SEMA5A: variants seen among roughly 807,000 people sequenced by gnomAD.
SEMA5A encodes the protein semaphorin 5A.
A neutral mutation model predicts 135.5 loss-of-function variants in SEMA5A; 55 were observed. That is an observed-to-expected ratio of 0.41 (90% CI 0.33 to 0.51). SEMA5A has a LOEUF of 0.51. SEMA5A is among the 20% of genes least tolerant of loss of function. The pLI is 0.37. For synonymous variants in SEMA5A, 580 were observed against 546.5 expected, an observed-to-expected ratio of 1.06 and a Z score of -0.85; for missense variants, 1,290 against 1,419.9, an observed-to-expected ratio of 0.91 and a Z score of 1.47.
At chr5:9,360,275 T>C (rs1237719938) in intron 3 of SEMA5A, among the ~76,000 whole-genome samples, 3 of 152,202 alleles carry the variant, frequency 2.0e-5, no homozygotes, top group Non-Finnish European at 4.4e-5. Context: ...TTTGATTCTG[T>C]AGGTGACACT....
At chr5:9,101,510 T>C (rs1272226082) in intron 16 of SEMA5A, among the ~76,000 whole-genome samples, 1 of 152,254 alleles carries the variant, frequency 6.6e-6, no homozygotes, top group Non-Finnish European at 1.5e-5. Flanking sequence ...ATGATGGTGA[T>C]GAAGAATATT....
intron 5 of SEMA5A, among the ~76,000 whole-genome samples, chr5:9,295,465 T>C (rs907949670): frequency 2.0e-5 from 3 of 152,150 alleles, no homozygotes; most frequent in Non-Finnish European, 4.4e-5. Context: ...CACTGAATGT[T>C]TGAATCTTAG....
intron 2 of SEMA5A, among the ~76,000 whole-genome samples, chr5:9,412,155 T>C (rs1158250915): frequency 6.6e-6 from 1 of 152,006 alleles, no homozygotes; most frequent in African/African-American, 2.4e-5. Flanking sequence ...ATGCAAAGTG[T>C]TCCCCGAAAT....
At chr5:9,420,277 C>T (rs971081267) in intron 2 of SEMA5A, among the ~76,000 whole-genome samples, 10 of 151,984 alleles carry the variant, frequency 6.6e-5, no homozygotes, top group Non-Finnish European at 1.0e-4. Context: ...TATGCAACAC[C>T]CCTGGAATAA....
At position 9,122,702 on chromosome 5, in the gene SEMA5A, C is replaced by T. The variant is rs1398289601; in HGVS notation, c.1735G>A (p.Gly579Ser). The T allele has an allele frequency of 6.2e-7, 1 of 1,612,612 alleles. No homozygotes were observed. The highest frequency in any genetic ancestry group is 1.1e-5 in the South Asian group (1 of 90,878). Residue 579 changes from glycine to serine, a missense_variant, in exon 14 of 23, where the codon GGC (glycine) becomes AGC (serine). Coordinates refer to ENST00000382496, the MANE Select transcript of SEMA5A (RefSeq NM_003966.3). Reference sequence around the variant, plus strand: ...ATGCCAGGGCCCTCGCACTGCCAGCCACCACACTGCGGGGCCGGGCTGTCG... The same window carrying T: ...ATGCCAGGGCCCTCGCACTGCCAGCTACCACACTGCGGGGCCGGGCTGTCG... ...SCDSPAPQCG[G>S]WQCEGPGMEI...
At chr5:9,428,515 A>G (rs1361683582) in intron 2 of SEMA5A, among the ~76,000 whole-genome samples, 1 of 152,178 alleles carries the variant, frequency 6.6e-6, no homozygotes, top group Non-Finnish European at 1.5e-5. Context: ...TGCTATTTGA[A>G]TACCTCACCT....
At chr5:9,458,158 C>T (rs1053536752) in intron 1 of SEMA5A, among the ~76,000 whole-genome samples, 9 of 151,672 alleles carry the variant, frequency 5.9e-5, no homozygotes, top group Non-Finnish European at 1.5e-5. Context: ...CCGCCCGCCT[C>T]GGCCTCCCAA....
intron 21 of SEMA5A, among the ~76,000 whole-genome samples, chr5:9,050,061 A>C (rs529813047): frequency 6.6e-6 from 1 of 152,288 alleles, no homozygotes; most frequent in South Asian, 2.1e-4. Flanking sequence ...TAAAGCTTAG[A>C]ACCCATAAGA....
Position 9,140,639 on chromosome 5 carries a change from T to C in SEMA5A, c.1482-4018A>G, listed in dbSNP as rs142664483. Among the ~76,000 whole-genome samples the C allele has an allele frequency of 3.9e-4, 59 of 152,330 alleles. No individual in the cohort carries two copies. In the East Asian group the frequency reaches 0.011, roughly 28 times the overall value. On this transcript the variant is annotated intron_variant, in intron 12 of 22. Coordinates refer to ENST00000382496, the MANE Select transcript of SEMA5A (RefSeq NM_003966.3). The stretch of plus-strand genomic sequence containing the variant: ...ACTAGCCAAAAGTGACATATTTATA[T>C]TTGCGGCTCCTATGGCAAACCTGAG...
intron 1 of SEMA5A, among the ~76,000 whole-genome samples, chr5:9,492,265 A>G (rs1735056989): frequency 6.6e-6 from 1 of 152,202 alleles, no homozygotes; most frequent in Non-Finnish European, 1.5e-5. Context: ...TGTGCCAGAA[A>G]AACACAAATT....
chr5:9,161,684 G>A (rs1341872901), intron 11 of SEMA5A, among the ~76,000 whole-genome samples: 2 of 152,218 alleles, frequency 1.3e-5, no homozygotes, highest in Non-Finnish European at 2.9e-5. Flanking sequence ...TGCTGCTCTG[G>A]AGAGCCAGGT....
At chr5:9,500,796 G>A (rs1479827880) in intron 1 of SEMA5A, among the ~76,000 whole-genome samples, 2 of 152,166 alleles carry the variant, frequency 1.3e-5, no homozygotes, top group Admixed American at 6.5e-5. Context: ...CATTATATGT[G>A]TTTTAGGAGA....
chr5:9,050,364 A>C, intron 21 of SEMA5A, 46 bp downstream of exon 21: 1 of 1,519,898 alleles, frequency 6.6e-7, no homozygotes, highest in Non-Finnish European at 9.0e-7. Flanking sequence ...AAATGATTAG[A>C]ATATATCAGT....
intron 5 of SEMA5A, among the ~76,000 whole-genome samples, chr5:9,263,884 T>C (rs562847986): frequency 6.6e-6 from 1 of 152,338 alleles, no homozygotes; most frequent in East Asian, 1.9e-4. Flanking sequence ...CTCAAAGTGC[T>C]CTGATGACGT....
chr5:9,174,065 T>C (rs1744076805), intron 11 of SEMA5A, among the ~76,000 whole-genome samples: 1 of 152,212 alleles, frequency 6.6e-6, no homozygotes, highest in South Asian at 2.1e-4. Flanking sequence ...TTAGGCTGTG[T>C]TTTGAAACAA....
intron 12 of SEMA5A, among the ~76,000 whole-genome samples, chr5:9,148,779 G>A (rs1742476231): frequency 6.6e-6 from 1 of 152,168 alleles, no homozygotes; most frequent in Admixed American, 6.5e-5. Context: ...GAGTGCAGTG[G>A]TGTGATCTCG....
At chr5:9,364,624 G>A (rs1336830506) in intron 3 of SEMA5A, among the ~76,000 whole-genome samples, 17 of 152,024 alleles carry the variant, frequency 1.1e-4, no homozygotes, top group Admixed American at 1.0e-3. Flanking sequence ...ATTATAAGAA[G>A]GACAAATTAT....
chr5:9,388,906 A>T (rs1039565976), intron 2 of SEMA5A, among the ~76,000 whole-genome samples: 1 of 151,976 alleles, frequency 6.6e-6, no homozygotes, highest in Non-Finnish European at 1.5e-5. Flanking sequence ...CTCAAAAAAA[A>T]AAAGAAAGAA....
At chr5:9,305,714 A>ATATATATATACATATATATATATG (rs1561128561) in intron 5 of SEMA5A, among the ~76,000 whole-genome samples, 7 of 119,994 alleles carry the variant, frequency 5.8e-5, no homozygotes, top group African/African-American at 2.5e-4. Flanking sequence ...GTGCGTATAT[A>ATATATATATACATATATATATATG]TATATATATA....
Sources: gnomAD v4.1 joint callset for allele counts (sites outside exome capture counted in the v4.1 genomes callset) on GRCh38, gnomAD v4.1.1 for gene constraint, MANE v1.5 for transcripts, NCBI Gene and HGNC (gene_info 2026-07-23, HGNC 2026-07-21) for gene names.